The following NT5DC3 variants were observed in gnomAD, a reference collection of about 807,000 sequenced individuals.
The protein encoded by NT5DC3 is 5'-nucleotidase domain-containing protein 3.
A neutral mutation model predicts 67.8 loss-of-function variants in NT5DC3; 42 were observed. The ratio of observed to expected loss-of-function variants is 0.62; its 90% CI spans 0.48 to 0.80. NT5DC3 has a LOEUF of 0.80. Among genes scored for constraint, NT5DC3 ranks in the 30% least tolerant of loss-of-function variants. The probability of loss-of-function intolerance (pLI) is 0.00; values close to 1 mark genes in which losing one functional copy is unlikely to be tolerated. For synonymous variants in NT5DC3, 237 were observed against 255.6 expected, an observed-to-expected ratio of 0.93 and a Z score of 0.69; for missense variants, 570 against 696.4, an observed-to-expected ratio of 0.82 and a Z score of 2.04.
In NT5DC3 at chr12:103,807,487, C is replaced by A. The variant is rs147157295; in HGVS notation, c.394-558G>T. On this transcript the variant is annotated intron_variant, in intron 2 of 13. Coordinates refer to ENST00000392876, the MANE Select transcript of NT5DC3 (RefSeq NM_001031701.3). The stretch of plus-strand genomic sequence containing the variant: ...AGGTGAAAACTTCTCAGAGTGGAGC[C>A]TCTCCATAGAGCTTTCATTGCTTCT... 4.2e-3 allele frequency among the ~76,000 whole-genome samples: 633 copies of A among 152,340 alleles called. 2 individuals carry two copies. Among genetic ancestry groups the A allele is most frequent in the Non-Finnish European group, 6.9e-3 (467 of 68,036 alleles).
At position 103,840,978 on chromosome 12, in the gene NT5DC3, C is replaced by A; in HGVS notation, c.179G>T (p.Arg60Leu). ...TGTGCTTCTCTTCGCCTCCCGGTAGCGCTCCCACAGGTAGCGCTTCATGTC... is the reference window on the plus strand; with the variant it reads ...TGTGCTTCTCTTCGCCTCCCGGTAGAGCTCCCACAGGTAGCGCTTCATGTC... ...APDMKRYLWE[R>L]YREAKRSTEE... Residue 60 changes from arginine (R) to leucine (L), a missense_variant, in exon 1 of 14, where the codon CGC becomes CTC. Physicochemically the swap from Arg to Leu is moderately radical, Grantham distance 102. Around this residue, in one of 2 missense-constraint regions of NT5DC3, gnomAD observed 104 missense variants for 88.4 expected, o/e 1.18. Coordinates refer to ENST00000392876, the MANE Select transcript of NT5DC3 (RefSeq NM_001031701.3). The A allele has an allele frequency of 7.5e-7, 1 of 1,339,294 alleles. No homozygotes were observed. The highest frequency in any genetic ancestry group is 9.6e-7 in the Non-Finnish European group (1 of 1,040,120). The allele number at this position is 1,339,294 out of a possible 1,614,324, so 83.0% of individuals were successfully genotyped here. A position where few individuals can be genotyped will look rare whatever the true frequency, so the allele number is the denominator to read the frequency against.
rs4964830 is a variant in NT5DC3 at position 103,775,130 on chromosome 12, C to T, written c.*2699G>A. 0.26 allele frequency: 39,181 copies of T among 151,980 alleles called. 5,689 individuals are homozygous for T. Among genetic ancestry groups the T allele is most frequent in the South Asian group, 0.47 (2,263 of 4,814 alleles). The allele number at this position is 151,980 out of a possible 1,614,324, so 9.4% of individuals were successfully genotyped here. On this transcript the variant is annotated 3_prime_UTR_variant, in exon 14 of 14. Coordinates refer to ENST00000392876, the MANE Select transcript of NT5DC3 (RefSeq NM_001031701.3). ...TCGTTCACATGGGAATGACTGTGTT[C>T]GGCCCCGTTACCGCCACGACATGGG...
intron 1 of NT5DC3, among the ~76,000 whole-genome samples, chr12:103,829,785 A>G (rs1019756894): frequency 6.6e-6 from 1 of 151,502 alleles, no homozygotes; most frequent in Non-Finnish European, 1.5e-5. Flanking sequence ...TTTCACTTCC[A>G]TCTAAGACCT....
At position 103,821,105 on chromosome 12, in the gene NT5DC3, G is replaced by A. The variant is rs1887471853; in HGVS notation, c.209-5984C>T. Among the ~76,000 whole-genome samples the A allele has an allele frequency of 1.3e-5, 2 of 152,240 alleles. 1 individual carries two copies. Among genetic ancestry groups the A allele is most frequent in the South Asian group, 4.1e-4 (2 of 4,834 alleles). ...CCCTTCTCCTACCGTGCCTATCATG[G>A]AGATATGATACAGGCACTACAACAT... On this transcript the variant is annotated intron_variant, in intron 1 of 13. Coordinates refer to ENST00000392876, the MANE Select transcript of NT5DC3 (RefSeq NM_001031701.3).
At chr12:103,830,007 C>T (rs1887858745) in intron 1 of NT5DC3, among the ~76,000 whole-genome samples, 2 of 152,230 alleles carry the variant, frequency 1.3e-5, no homozygotes, top group African/African-American at 2.4e-5. Context: ...TCTGCTATCA[C>T]TGTTCAAAAC....
At chr12:103,746,492 T>TA in the NT5DC3 span, 1 of 1,036,314 alleles carries the variant, frequency 9.6e-7, no homozygotes, top group Non-Finnish European at 1.5e-6. Flanking sequence ...CAGGGGCACT[T>TA]ATGAACACAG....
the NT5DC3 span, chr12:103,763,548 G>A: frequency 9.3e-6 from 15 of 1,614,040 alleles, no homozygotes; most frequent in South Asian, 2.2e-5. Context: ...AGAATATCTC[G>A]AACCCCTTGT....
chr12:103,785,033 C>T (rs964126451), intron 12 of NT5DC3, among the ~76,000 whole-genome samples: 1 of 152,162 alleles, frequency 6.6e-6, no homozygotes, highest in Non-Finnish European at 1.5e-5. Context: ...ACAGAACCAG[C>T]ACAGACTCAA....
chr12:103,762,405 A>T, the NT5DC3 span: 1 of 1,614,206 alleles, frequency 6.2e-7, no homozygotes, highest in South Asian at 1.1e-5. Flanking sequence ...ATTTTGAGGT[A>T]AGAGAGAAAA....
downstream of NT5DC3, chr12:103,770,416 CTAA>C (rs1440490508): frequency 6.8e-6 from 1 of 147,626 alleles, no homozygotes; most frequent in East Asian, 2.0e-4. Context: ...AAATATTTGA[CTAA>C]TGAGTTTTTA....
At chr12:103,761,415 G>A in the NT5DC3 span, 1 of 1,612,892 alleles carries the variant, frequency 6.2e-7, no homozygotes, top group South Asian at 1.1e-5. Context: ...CCCGTGGTGA[G>A]TATCTAGGGT....
At chr12:103,766,162 C>G (rs1237120954), downstream of NT5DC3, 1 of 1,315,166 alleles carries the variant, frequency 7.6e-7, no homozygotes, top group African/African-American at 1.5e-5. Context: ...AACAAACACG[C>G]CCAGCACATA....
chr12:103,774,186 C>G lies in NT5DC3; in HGVS notation c.*3643G>C, dbSNP rs1294569784. The G allele has an allele frequency of 6.6e-6, 1 of 152,206 alleles. No homozygotes were observed. Among genetic ancestry groups the G allele is most frequent in the Non-Finnish European group, 1.5e-5 (1 of 68,038 alleles). 9.4% of individuals were successfully genotyped at this position (152,206 alleles called of 1,614,324 possible). Reference sequence around the variant, plus strand: ...TATTTGTGATGGCTGCTGCCCTGGACTCATCATTGTTCACATAATTCTTAG... The same window carrying G: ...TATTTGTGATGGCTGCTGCCCTGGAGTCATCATTGTTCACATAATTCTTAG... On this transcript the variant is annotated 3_prime_UTR_variant, in exon 14 of 14. Transcript: ENST00000392876.
At chr12:103,768,884 G>A (rs1057121600), downstream of NT5DC3, 2 of 151,924 alleles carry the variant, frequency 1.3e-5, no homozygotes, top group Admixed American at 6.6e-5. Flanking sequence ...AGCTGTTACT[G>A]GAAGACCCAG....
chr12:103,770,461 G>C (rs1885155980), downstream of NT5DC3: 1 of 150,132 alleles, frequency 6.7e-6, no homozygotes, highest in Non-Finnish European at 1.5e-5. Flanking sequence ...TTGAGACAGG[G>C]TCTCACTCTG....
rs150881221 is a variant in NT5DC3, at chr12:103,829,053, C to G, written c.208+11896G>C. Among the ~76,000 whole-genome samples, 694 of 152,262 alleles carry G rather than the reference C, an allele frequency of 4.6e-3. 8 individuals carry two copies. The highest frequency in any genetic ancestry group is 0.014 in the Middle Eastern group (4 of 294). ...ATACATGTGTGTCCCTACAAGTAAT[C>G]TATAGTATTTTTATGTGTTTTAAAA... On this transcript the variant is annotated intron_variant, in intron 1 of 13. Coordinates refer to ENST00000392876, the MANE Select transcript of NT5DC3 (RefSeq NM_001031701.3).
At chr12:103,781,049 T>TG (rs1184600129) in intron 12 of NT5DC3, among the ~76,000 whole-genome samples, 1 of 152,180 alleles carries the variant, frequency 6.6e-6, no homozygotes, top group Non-Finnish European at 1.5e-5. Context: ...CATTTTCTGG[T>TG]GGGCCAAAAT....
At chr12:103,811,649 A>C (rs1887037380) in intron 2 of NT5DC3, among the ~76,000 whole-genome samples, 1 of 152,198 alleles carries the variant, frequency 6.6e-6, no homozygotes, top group Non-Finnish European at 1.5e-5. Context: ...GGGATCCTGG[A>C]GCAGGAAATG....
the NT5DC3 span, chr12:103,758,150 G>T: frequency 6.2e-7 from 1 of 1,613,764 alleles, no homozygotes; most frequent in South Asian, 1.1e-5. Flanking sequence ...CCCCTCTGAT[G>T]ACTTCCTTCT....
Sources: allele counts gnomAD v4.1 joint callset (sites outside exome capture counted in the v4.1 genomes callset), GRCh38; gene constraint gnomAD v4.1.1; regional missense constraint gnomAD v4.1.1; transcripts MANE v1.5; gene names NCBI Gene and HGNC (gene_info 2026-07-23, HGNC 2026-07-21).